ERMN: variants seen among roughly 807,000 people sequenced by gnomAD.
ERMN encodes the protein ermin, ERM-like protein.
A neutral mutation model predicts 21.4 loss-of-function variants in ERMN; 17 were observed. The ratio of observed to expected loss-of-function variants is 0.80; its 90% CI spans 0.54 to 1.19. The LOEUF (loss-of-function observed/expected upper bound fraction) is 1.19, where lower values mean the gene tolerates loss of function less well. ERMN is among the 50% of genes most tolerant of loss of function. ERMN has a pLI of 0.00. For missense variants in ERMN, 348 were observed against 331.6 expected (o/e 1.05, Z -0.38); for synonymous variants, 115 against 111.9 (o/e 1.03, Z -0.17).
chr2:157,322,273 C>CAA (rs1261020230), intron 2 of ERMN, among the ~76,000 whole-genome samples: 1 of 150,680 alleles, frequency 6.6e-6, no homozygotes, highest in African/African-American at 2.5e-5. Context: ...CACACACACA[C>CAA]CTCAAGGAAA....
chr2:157,319,559 C>T lies in ERMN; in HGVS notation c.*1712G>A, dbSNP rs751261518. The T allele has an allele frequency of 1.6e-4, 25 of 152,070 alleles. No individual in the cohort carries two copies. The highest frequency in any genetic ancestry group is 3.5e-4 in the Non-Finnish European group (24 of 67,990). The allele number at this position is 152,070 out of a possible 1,614,324, so 9.4% of individuals were successfully genotyped here. A position where few individuals can be genotyped will look rare whatever the true frequency, so the allele number is the denominator to read the frequency against. On this transcript the variant is annotated 3_prime_UTR_variant, in exon 3 of 3. Coordinates refer to ENST00000410096, the MANE Select transcript of ERMN (RefSeq NM_020711.3). ...TAACCTAGAAAAGAAAACAGCTTGTCCATGTAGAAAGATTAGAGGATCTAA... is the reference window on the plus strand; with the variant it reads ...TAACCTAGAAAAGAAAACAGCTTGTTCATGTAGAAAGATTAGAGGATCTAA...
At chr2:157,326,592 GAGA>G (rs1176461799), upstream of ERMN, among the ~76,000 whole-genome samples, 3 of 152,158 alleles carry the variant, frequency 2.0e-5, no homozygotes, top group Admixed American at 6.5e-5. Context: ...CTGCCCTTGG[GAGA>G]AACAGGTGAT....
At chr2:157,324,600 A>G (rs1477126259) in intron 2 of ERMN, 70 bp downstream of exon 2, 5 of 1,265,488 alleles carry the variant, frequency 4.0e-6, no homozygotes, top group Non-Finnish European at 5.7e-6. Flanking sequence ...CTCATGCAAC[A>G]TTTCATGGAA....
chr2:157,326,456 C>G (rs576654357), upstream of ERMN, among the ~76,000 whole-genome samples: 1 of 152,106 alleles, frequency 6.6e-6, no homozygotes, highest in Admixed American at 6.5e-5. Flanking sequence ...GAAGCCCAGC[C>G]GATCCTTTAA....
chr2:157,326,427 C>G (rs1684069448), upstream of ERMN, among the ~76,000 whole-genome samples: 1 of 152,112 alleles, frequency 6.6e-6, no homozygotes, highest in African/African-American at 2.4e-5. Context: ...AGCTTCTTAT[C>G]CTCTAGTTTA....
chr2:157,326,013 AG>A, upstream of ERMN: 1 of 962,364 alleles, frequency 1.0e-6, no homozygotes, highest in Admixed American at 4.7e-5. Flanking sequence ...TCAGCTTGTC[AG>A]TCCCCCTCTG....
At position 157,325,601 on chromosome 2, in the gene ERMN, A is replaced by C. The variant is rs753805684; in HGVS notation, c.42T>G (p.Asn14Lys). 1.5e-5 allele frequency: 25 copies of C among 1,614,058 alleles called. No homozygotes were observed. The highest frequency in any genetic ancestry group is 2.1e-5 in the Non-Finnish European group (25 of 1,180,034). ...GACCGTTTTCAGGTGGTTTATCCCC[A>C]TTACACTCAGCCTGGGTAAATGTAG... is the stretch of plus-strand genomic sequence containing the variant. ...VPATFTQAEC[N>K]GDKPPENGQQ... The change falls in exon 1 of 3, where the codon AAT becomes AAG. Residue 14 changes from asparagine (N) to lysine (K), a missense_variant. Coordinates refer to ENST00000410096, the MANE Select transcript of ERMN (RefSeq NM_020711.3).
In ERMN at chr2:157,319,179, A is replaced by G. The variant is rs1683804287; in HGVS notation, c.*2092T>C. On this transcript the variant is annotated 3_prime_UTR_variant, in exon 3 of 3. Transcript: ENST00000410096. ...GACACCAATGCCAAAGAATAGTTTCAGGGTTTTTTTGCAAAAACATTGTGT... is the reference window on the plus strand; with the variant it reads ...GACACCAATGCCAAAGAATAGTTTCGGGGTTTTTTTGCAAAAACATTGTGT... 6.6e-6 allele frequency: 1 copy of G among 152,202 alleles called. No homozygotes were observed. The allele number at this position is 152,202 out of a possible 1,614,324, so 9.4% of individuals were successfully genotyped here.
In ERMN at chr2:157,321,450, A is replaced by C. The variant is rs561133365; in HGVS notation, c.676T>G (p.Ser226Ala). 6.2e-6 allele frequency: 10 copies of C among 1,614,088 alleles called. No individual in the cohort carries two copies. Among genetic ancestry groups the C allele is most frequent in the Non-Finnish European group, 8.5e-6 (10 of 1,180,002 alleles). Residue 226 changes from serine (S) to alanine (A), a missense_variant, in exon 3 of 3, where the codon TCC becomes GCC. Physicochemically the swap from Ser to Ala is moderately conservative, Grantham distance 99. Coordinates refer to ENST00000410096, the MANE Select transcript of ERMN (RefSeq NM_020711.3). The stretch of plus-strand genomic sequence containing the variant: ...TGGGAACTGGCACTGCTCAGTGGGG[A>C]GTCCTCACTTGCATCACCTTCCTCT... Reference protein sequence around the residue: ...FKEEGDASEDSPLSSASSQAV... With the variant: ...FKEEGDASEDAPLSSASSQAV...
intron 2 of ERMN, chr2:157,324,173 G>C (rs1416594342): frequency 3.8e-6 from 1 of 261,710 alleles, no homozygotes; most frequent in African/African-American, 2.4e-5. Context: ...TCAGGAAGCT[G>C]AGGCAGGAGA....
chr2:157,322,419 A>G (rs577248433), intron 2 of ERMN, among the ~76,000 whole-genome samples: 3 of 152,316 alleles, frequency 2.0e-5, no homozygotes, highest in Admixed American at 6.5e-5. Context: ...TATGGTAAGA[A>G]TTAATTATAA....
Position 157,324,659 on chromosome 2 carries a change from G to A in ERMN, c.334+11C>T, listed in dbSNP as rs758506888. The A allele has an allele frequency of 5.0e-6, 8 of 1,599,108 alleles. No homozygotes were observed. The highest frequency in any genetic ancestry group is 6.9e-6 in the Non-Finnish European group (8 of 1,167,290). ...AACAATTTCTGTGTACAAAACTGTA[G>A]TTCTTGTTACCTTCTCTGAATGTCA... On this transcript the variant is annotated intron_variant, in intron 2 of 2. Coordinates refer to ENST00000410096, the MANE Select transcript of ERMN (RefSeq NM_020711.3).
At chr2:157,324,318 AGACCCGTTTT>A in intron 2 of ERMN, 1 of 227,238 alleles carries the variant, frequency 4.4e-6, no homozygotes, top group Non-Finnish European at 8.9e-6. Flanking sequence ...CTTTTAGGAA[AGACCCGTTTT>A]TGAAACATTT....
chr2:157,327,205 T>G (rs1199590141), upstream of ERMN: 2 of 271,754 alleles, frequency 7.4e-6, no homozygotes, highest in African/African-American at 4.4e-5. Flanking sequence ...AGTAAGCATA[T>G]CACCTTTAAA....
At chr2:157,322,384 C>T (rs1683935520) in intron 2 of ERMN, among the ~76,000 whole-genome samples, 1 of 152,132 alleles carries the variant, frequency 6.6e-6, no homozygotes, top group Admixed American at 6.5e-5. Flanking sequence ...ATCATACCAA[C>T]ATACCCTCAA....
At chr2:157,326,881 T>C (rs1684080419), upstream of ERMN, among the ~76,000 whole-genome samples, 1 of 152,140 alleles carries the variant, frequency 6.6e-6, no homozygotes, top group Non-Finnish European at 1.5e-5. Context: ...GTATTCTTCA[T>C]GGTTGTAACT....
At position 157,318,913 on chromosome 2, in the gene ERMN, G is replaced by A. The variant is rs1022535979; in HGVS notation, c.*2358C>T. On this transcript the variant is annotated 3_prime_UTR_variant, in exon 3 of 3. Transcript: ENST00000410096. Reference sequence around the variant, plus strand: ...CACCCCTGAACTTTGAATCACAAAAGCTCAAGTAAACCTTCATGTGTAGCT... The same window carrying A: ...CACCCCTGAACTTTGAATCACAAAAACTCAAGTAAACCTTCATGTGTAGCT... 6.6e-6 allele frequency: 1 copy of A among 152,134 alleles called. No homozygotes were observed. The highest frequency in any genetic ancestry group is 2.4e-5 in the African/African-American group (1 of 41,424). The allele number at this position is 152,134 out of a possible 1,614,324, so 9.4% of individuals were successfully genotyped here. A position where few individuals can be genotyped will look rare whatever the true frequency, so the allele number is the denominator to read the frequency against.
Position 157,320,132 on chromosome 2 carries a change from C to T in ERMN, c.*1139G>A, listed in dbSNP as rs896320794. The T allele has an allele frequency of 6.6e-6, 1 of 152,432 alleles. No homozygotes were observed. Among genetic ancestry groups the T allele is most frequent in the Non-Finnish European group, 1.5e-5 (1 of 68,000 alleles). The allele number at this position is 152,432 out of a possible 1,614,324, so 9.4% of individuals were successfully genotyped here. On this transcript the variant is annotated 3_prime_UTR_variant, in exon 3 of 3. Transcript: ENST00000410096. ...ATCTAAGAATATAAATATAGTCTCTCTTTTCATAAATATTCAATACGTTAT... is the reference window on the plus strand; with the variant it reads ...ATCTAAGAATATAAATATAGTCTCTTTTTTCATAAATATTCAATACGTTAT...
chr2:157,325,210 G>A (rs1256784817), intron 1 of ERMN, 192 bp downstream of exon 1: 1 of 774,160 alleles, frequency 1.3e-6, no homozygotes, highest in Admixed American at 2.0e-5. Context: ...AAAGTTGTCT[G>A]GGGTCACAGC....
Sources: gnomAD v4.1 joint callset for allele counts (sites outside exome capture counted in the v4.1 genomes callset) on GRCh38, gnomAD v4.1.1 for gene constraint, MANE v1.5 for transcripts, NCBI Gene and HGNC (gene_info 2026-07-23, HGNC 2026-07-21) for gene names.